Variants in DLG2 observed in about 807,000 individuals in gnomAD.
DLG2 encodes the protein discs large MAGUK scaffold protein 2.
A neutral mutation model predicts 132.5 loss-of-function variants in DLG2; 45 were observed. The ratio of observed to expected loss-of-function variants is 0.34; its 90% CI spans 0.27 to 0.44. The LOEUF is 0.44. DLG2 is among the 20% of genes least tolerant of loss of function. The pLI, the probability that DLG2 is intolerant of heterozygous loss-of-function variation, is 1.00. For synonymous variants in DLG2, 424 were observed against 419.6 expected (o/e 1.01, Z -0.13); for missense variants, 1,045 against 1,196.9 (o/e 0.87, Z 1.87).
intron 19 of DLG2, among the ~76,000 whole-genome samples, chr11:83,613,293 C>T (rs968362960): frequency 6.6e-6 from 1 of 152,170 alleles, no homozygotes; most frequent in African/African-American, 2.4e-5. Flanking sequence ...ACTGCAAGCC[C>T]AGTCATTGCT....
At chr11:84,502,384 TTCTTTCTTTCTTTCTTTCTTTC>T (rs2099221110) in intron 7 of DLG2, among the ~76,000 whole-genome samples, 1 of 94,976 alleles carries the variant, frequency 1.1e-5, no homozygotes, top group Admixed American at 1.1e-4. Context: ...CTTTCTTTCT[TTCTTTCTTTCTTTCTTTCTTTC>T]TTTCTTTCTA....
intron 6 of DLG2, among the ~76,000 whole-genome samples, chr11:85,059,248 G>A (rs2063777108): frequency 6.6e-6 from 1 of 151,140 alleles, no homozygotes; most frequent in Admixed American, 6.6e-5. Context: ...ATATTTCTAT[G>A]GACCTAACAA....
At chr11:85,537,941 C>T (rs2153200799) in intron 3 of DLG2, among the ~76,000 whole-genome samples, 1 of 151,842 alleles carries the variant, frequency 6.6e-6, no homozygotes, top group Admixed American at 6.6e-5. Context: ...ACAGTGAAAC[C>T]CCGTCTCTAC....
intron 3 of DLG2, among the ~76,000 whole-genome samples, chr11:85,387,859 G>A (rs1299310318): frequency 6.6e-6 from 1 of 152,164 alleles, no homozygotes; most frequent in African/African-American, 2.4e-5. Context: ...CCTACTCAGA[G>A]GAACAGAGCA....
intron 6 of DLG2, among the ~76,000 whole-genome samples, chr11:84,886,759 A>G (rs771748406): frequency 3.3e-5 from 5 of 152,286 alleles, no homozygotes; most frequent in Middle Eastern, 3.4e-3. Flanking sequence ...AATGTTTGAC[A>G]GAATGTATTT....
At chr11:85,229,541 G>T (rs530949874) in intron 4 of DLG2, among the ~76,000 whole-genome samples, 21 of 152,250 alleles carry the variant, frequency 1.4e-4, no homozygotes, top group African/African-American at 4.6e-4. Flanking sequence ...CACTGTTGGT[G>T]GGAGTGTAAA....
intron 7 of DLG2, among the ~76,000 whole-genome samples, chr11:84,425,349 G>T (rs1372704150): frequency 6.6e-6 from 1 of 152,084 alleles, no homozygotes; most frequent in Non-Finnish European, 1.5e-5. Context: ...ATTTAATCTG[G>T]ATTGTATTGG....
chr11:84,704,175 T>A (rs1039726002), intron 6 of DLG2, among the ~76,000 whole-genome samples: 5 of 151,406 alleles, frequency 3.3e-5, no homozygotes, highest in African/African-American at 9.7e-5. Flanking sequence ...CTACTGCTAA[T>A]AAATGGTAGG....
rs552818190 is a variant in DLG2 at position 83,511,755 on chromosome 11, G to A, written c.2193+20953C>T. Reference sequence around the variant, plus strand: ...TTTTTTTTTTTTTTTAAAGAGCCAGGGTCTCATTATGTTGCCCAGGCTAGG... The same window carrying A: ...TTTTTTTTTTTTTTTAAAGAGCCAGAGTCTCATTATGTTGCCCAGGCTAGG... On this transcript the variant is annotated intron_variant, in intron 21 of 27. Coordinates refer to ENST00000376104, the MANE Select transcript of DLG2 (RefSeq NM_001142699.3). 3.3e-5 allele frequency among the ~76,000 whole-genome samples: 5 copies of A among 150,312 alleles called. No individual in the cohort carries two copies. The East Asian group carries it at 7.8e-4, about 24-fold the overall frequency.
chr11:84,749,380 A>G (rs919693081), intron 6 of DLG2, among the ~76,000 whole-genome samples: 1 of 152,206 alleles, frequency 6.6e-6, no homozygotes, highest in African/African-American at 2.4e-5. Flanking sequence ...TGCTGCCATA[A>G]CAACGTTTTG....
At chr11:84,566,919 T>C (rs946538841) in intron 6 of DLG2, among the ~76,000 whole-genome samples, 5 of 152,164 alleles carry the variant, frequency 3.3e-5, no homozygotes, top group Admixed American at 3.3e-4. Context: ...TTTTCTTAAT[T>C]ATACAAAATG....
At chr11:84,484,082 G>A (rs1270745213) in intron 7 of DLG2, among the ~76,000 whole-genome samples, 2 of 152,152 alleles carry the variant, frequency 1.3e-5, no homozygotes, top group Non-Finnish European at 2.9e-5. Context: ...TGGTCACCAG[G>A]TATATTCACC....
chr11:85,302,137 G>C (rs953852971), intron 3 of DLG2, among the ~76,000 whole-genome samples: 1 of 152,126 alleles, frequency 6.6e-6, no homozygotes, highest in African/African-American at 2.4e-5. Flanking sequence ...AAGGCTGACC[G>C]CACATTCTGT....
chr11:85,392,312 C>T lies in DLG2; in HGVS notation c.41-106947G>A, dbSNP rs115761426. ...ATGACACAAACAAATGGAAACATAT[C>T]CCATGCTTAAGGATGGGTAGAATCA... On this transcript the variant is annotated intron_variant, in intron 3 of 27. Coordinates refer to ENST00000376104, the MANE Select transcript of DLG2 (RefSeq NM_001142699.3). Among the ~76,000 whole-genome samples the T allele has an allele frequency of 8.2e-3, 1,243 of 151,874 alleles. 16 individuals carry two copies. Among genetic ancestry groups the T allele is most frequent in the African/African-American group, 0.028 (1,171 of 41,482 alleles).
intron 6 of DLG2, among the ~76,000 whole-genome samples, chr11:85,101,557 T>C (rs538121606): frequency 7.9e-4 from 120 of 152,214 alleles, no homozygotes; most frequent in African/African-American, 2.8e-3. Flanking sequence ...GAATAAGTAC[T>C]CTATTCTTCC....
chr11:85,093,464 A>G (rs922877817), intron 6 of DLG2, among the ~76,000 whole-genome samples: 6 of 152,144 alleles, frequency 3.9e-5, no homozygotes, highest in African/African-American at 1.4e-4. Flanking sequence ...ATAGTGCTTT[A>G]CCAGTGTATT....
At chr11:84,751,649 A>G (rs1421439315) in intron 6 of DLG2, among the ~76,000 whole-genome samples, 1 of 152,170 alleles carries the variant, frequency 6.6e-6, no homozygotes, top group Non-Finnish European at 1.5e-5. Context: ...ACAACTCAAG[A>G]AAGCACATAG....
chr11:85,236,742 A>G (rs2075607550), intron 4 of DLG2, among the ~76,000 whole-genome samples: 1 of 152,018 alleles, frequency 6.6e-6, no homozygotes, highest in Non-Finnish European at 1.5e-5. Flanking sequence ...GTGTGCATAT[A>G]ACAAATGAGG....
At chr11:85,040,735 G>A (rs1408291446) in intron 6 of DLG2, among the ~76,000 whole-genome samples, 1 of 151,818 alleles carries the variant, frequency 6.6e-6, no homozygotes, top group Non-Finnish European at 1.5e-5. Context: ...GCCAGAAGTT[G>A]TATTTACCTA....
Sources: gnomAD v4.1 joint callset for allele counts (sites outside exome capture counted in the v4.1 genomes callset) on GRCh38, gnomAD v4.1.1 for gene constraint, MANE v1.5 for transcripts, NCBI Gene and HGNC (gene_info 2026-07-23, HGNC 2026-07-21) for gene names.